Variants in TRIO observed in about 807,000 individuals in gnomAD.
The protein encoded by TRIO is trio Rho guanine nucleotide exchange factor.
In TRIO, 58 loss-of-function variants were observed where a neutral mutation model predicts 351.9. That is an observed-to-expected ratio of 0.16 (90% CI 0.13 to 0.21). The LOEUF (loss-of-function observed/expected upper bound fraction) is 0.21. Among genes scored for constraint, TRIO ranks in the 10% least tolerant of loss-of-function variants. The pLI is 1.00. For missense variants in TRIO, 3,201 were observed against 4,027.8 expected, an observed-to-expected ratio of 0.79 and a Z score of 5.56; for synonymous variants, 1,758 against 1,595.7, an observed-to-expected ratio of 1.10 and a Z score of -2.42.
intron 34 of TRIO, among the ~76,000 whole-genome samples, chr5:14,430,864 C>T (rs115687675): frequency 0.011 from 1,625 of 152,054 alleles, 20 homozygotes; most frequent in African/African-American, 0.037. Flanking sequence ...CTCAGGCACC[C>T]GCCACCCTGA....
intron 1 of TRIO, among the ~76,000 whole-genome samples, chr5:14,167,684 G>A (rs907342319): frequency 4.6e-5 from 7 of 152,126 alleles, no homozygotes; most frequent in Non-Finnish European, 8.8e-5. Context: ...CAGGCCACAT[G>A]TACTAAGATC....
intron 1 of TRIO, among the ~76,000 whole-genome samples, chr5:14,184,503 A>G (rs1789987253): frequency 6.6e-6 from 1 of 152,268 alleles, no homozygotes; most frequent in East Asian, 1.9e-4. Context: ...GTGGACTGGA[A>G]AAGTGTTTGC....
At chr5:14,341,737 T>G (rs1741955664) in intron 11 of TRIO, among the ~76,000 whole-genome samples, 1 of 152,222 alleles carries the variant, frequency 6.6e-6, no homozygotes, top group African/African-American at 2.4e-5. Flanking sequence ...GTGGTGACAT[T>G]GAGCTCTCAG....
chr5:14,148,765 G>C (rs545120081), intron 1 of TRIO, among the ~76,000 whole-genome samples: 1 of 152,198 alleles, frequency 6.6e-6, no homozygotes, highest in East Asian at 1.9e-4. Flanking sequence ...ACTCAGCTGC[G>C]TAGACTTGGC....
rs1198263397 is a variant in TRIO, at chr5:14,497,030, G to A, written c.8019+13G>A. ...GGTATCTGTGAAGGTGTGTTCGGGG[G>A]TCTTCAGGAGTCCGTGTCATCCCAG... is the stretch of plus-strand genomic sequence containing the variant. On this transcript the variant is annotated intron_variant, in intron 50 of 56. Transcript: ENST00000344204. The surrounding 1 kb of genome is among the most constrained non-coding windows in gnomAD (Gnocchi z 4.4). 2 of 1,613,428 alleles carry A rather than the reference G, an allele frequency of 1.2e-6. No individual in the cohort carries two copies. Among genetic ancestry groups the A allele is most frequent in the East Asian group, 2.2e-5 (1 of 44,872 alleles).
chr5:14,227,755 A>G (rs1442477863), intron 1 of TRIO, among the ~76,000 whole-genome samples: 1 of 152,140 alleles, frequency 6.6e-6, no homozygotes, highest in Non-Finnish European at 1.5e-5. Context: ...CGGACTCTTA[A>G]CTCTTAGGTT....
intron 3 of TRIO, among the ~76,000 whole-genome samples, chr5:14,285,497 A>C (rs749058987): frequency 6.6e-6 from 1 of 152,056 alleles, no homozygotes; most frequent in Non-Finnish European, 1.5e-5. Flanking sequence ...GATAGTCTGA[A>C]TCAAGATATA....
intron 11 of TRIO, among the ~76,000 whole-genome samples, chr5:14,357,580 C>T (rs181692363): frequency 5.4e-4 from 82 of 152,230 alleles, no homozygotes; most frequent in African/African-American, 1.8e-3. Flanking sequence ...CATGCACACT[C>T]TTTCCGTTGA....
At chr5:14,282,607 C>T (rs1315150048) in intron 3 of TRIO, among the ~76,000 whole-genome samples, 1 of 151,856 alleles carries the variant, frequency 6.6e-6, no homozygotes, top group Non-Finnish European at 1.5e-5. Context: ...TGAGAATACA[C>T]AAAAGTGGAG....
At chr5:14,239,494 C>T (rs1016548096) in intron 1 of TRIO, among the ~76,000 whole-genome samples, 2 of 152,134 alleles carry the variant, frequency 1.3e-5, no homozygotes, top group Non-Finnish European at 2.9e-5. Flanking sequence ...CTAGAGGTGT[C>T]GTGCACGTAA....
intron 34 of TRIO, among the ~76,000 whole-genome samples, chr5:14,456,269 T>A (rs1426460512): frequency 6.6e-6 from 1 of 152,218 alleles, no homozygotes; most frequent in Non-Finnish European, 1.5e-5. Context: ...ACCACACCTC[T>A]GTGCAAGCAG....
At chr5:14,231,203 C>T (rs532649957) in intron 1 of TRIO, among the ~76,000 whole-genome samples, 41 of 152,352 alleles carry the variant, frequency 2.7e-4, no homozygotes, top group African/African-American at 9.9e-4. Flanking sequence ...ATAATGGCAC[C>T]TACCACATCC....
chr5:14,481,863 C>T (rs959687091), intron 45 of TRIO: 30 of 462,810 alleles, frequency 6.5e-5, no homozygotes, highest in Non-Finnish European at 1.1e-4. Flanking sequence ...CAGAAACAAG[C>T]AGGACCGGGC....
chr5:14,363,966 T>A, intron 14 of TRIO, 39 bp downstream of exon 14: 1 of 1,574,756 alleles, frequency 6.4e-7, no homozygotes. Context: ...TTGTGATTTC[T>A]TCATGTCGTC....
chr5:14,460,865 C>G (rs937252643), intron 34 of TRIO, among the ~76,000 whole-genome samples, 154 bp from the exon 35 acceptor site: 1 of 152,192 alleles, frequency 6.6e-6, no homozygotes, highest in Non-Finnish European at 1.5e-5. Flanking sequence ...GCGTGTAAAG[C>G]ATCAGCCCCT....
Position 14,482,755 on chromosome 5 carries a change from G to A in TRIO, c.6639G>A (p.Leu2213=), listed in dbSNP as rs1395170486. ...AGGGCTTCTCCATGCCGGGATTCCT[G>A]TTTAAGAACAGTATCAAGGTAACGT... ...KKKGFSMPGF[L]FKNSIKVSCL... The change falls in exon 46 of 57, where the codon CTG becomes CTA. Residue 2213 remains leucine (L), a synonymous_variant. Transcript: ENST00000344204. 3 of 1,601,400 alleles carry A rather than the reference G, an allele frequency of 1.9e-6. No homozygotes were observed. The Admixed American group carries it at 5.1e-5, about 27-fold the overall frequency.
chr5:14,349,196 G>T (rs1009587825), intron 11 of TRIO, among the ~76,000 whole-genome samples: 1 of 149,180 alleles, frequency 6.7e-6, no homozygotes, highest in African/African-American at 2.5e-5. Context: ...GTGTGTATAT[G>T]TGTGCACACA....
intron 53 of TRIO, among the ~76,000 whole-genome samples, chr5:14,500,511 G>T (rs1303594591): frequency 6.6e-6 from 1 of 152,186 alleles, no homozygotes; most frequent in Non-Finnish European, 1.5e-5. Flanking sequence ...GCACCCTGAG[G>T]ACAGGTGCAG....
At chr5:14,387,921 C>T in intron 23 of TRIO, 74 bp downstream of exon 23, 2 of 1,497,832 alleles carry the variant, frequency 1.3e-6, no homozygotes, top group Non-Finnish European at 1.8e-6. Flanking sequence ...AGACATGCTT[C>T]TGTGTGTGCT....
Sources: gnomAD v4.1 joint callset for allele counts (sites outside exome capture counted in the v4.1 genomes callset) on GRCh38, gnomAD v4.1.1 for gene constraint, Gnocchi (gnomAD v3.1) non-coding constraint, MANE v1.5 for transcripts, NCBI Gene and HGNC (gene_info 2026-07-23, HGNC 2026-07-21) for gene names.